Variants in KCNN2 observed in about 807,000 individuals in gnomAD.
KCNN2 encodes the protein small conductance calcium-activated potassium channel protein 2.
A neutral mutation model predicts 55.5 loss-of-function variants in KCNN2; 24 were observed. That is an observed-to-expected ratio of 0.43 (90% CI 0.31 to 0.61). KCNN2 has a LOEUF of 0.61. Ranked by LOEUF, KCNN2 falls within the 20% of genes least tolerant of loss-of-function variation. KCNN2 has a pLI of 0.08. For synonymous variants in KCNN2, 431 were observed against 336.1 expected (o/e 1.28, Z -3.09); for missense variants, 754 against 853.6 (o/e 0.88, Z 1.45).
chr5:114,329,633 C>T (rs1756773610), intron 2 of KCNN2, among the ~76,000 whole-genome samples: 3 of 152,156 alleles, frequency 2.0e-5, no homozygotes, highest in Admixed American at 2.0e-4. Flanking sequence ...CTGGCTTCTC[C>T]ACTCCTCAGC....
At chr5:114,058,029 C>T (rs1750247515) in intron 1 of KCNN2, among the ~76,000 whole-genome samples, 1 of 152,080 alleles carries the variant, frequency 6.6e-6, no homozygotes, top group African/African-American at 2.4e-5. Flanking sequence ...CATGTGTGAA[C>T]CAACAGTTCA....
chr5:114,056,226 C>G (rs1481528798), exon 1 of KCNN2: 3 of 395,834 alleles, frequency 7.6e-6, no homozygotes, highest in Non-Finnish European at 1.3e-5. Flanking sequence ...CCCCGGAGCT[C>G]TCCGGCTGGC....
chr5:114,278,658 C>T (rs1297538402), intron 2 of KCNN2, among the ~76,000 whole-genome samples: 1 of 152,216 alleles, frequency 6.6e-6, no homozygotes, highest in African/African-American at 2.4e-5. Flanking sequence ...GCTCTGTGGG[C>T]ATGGGACCTG....
chr5:114,248,182 G>A (rs961737068), intron 2 of KCNN2, among the ~76,000 whole-genome samples: 2 of 152,170 alleles, frequency 1.3e-5, no homozygotes, highest in African/African-American at 2.4e-5. Flanking sequence ...ACAGGAAAGA[G>A]GGAAGTGTAT....
At chr5:114,441,849 A>G (rs1242892406) in intron 3 of KCNN2, among the ~76,000 whole-genome samples, 1 of 152,158 alleles carries the variant, frequency 6.6e-6, no homozygotes. Flanking sequence ...TTTGCTCCTA[A>G]AGATCTATTA....
intron 1 of KCNN2, among the ~76,000 whole-genome samples, chr5:114,188,672 A>G (rs1289581457): frequency 6.6e-6 from 1 of 152,186 alleles, no homozygotes; most frequent in East Asian, 1.9e-4. Context: ...TTATGCAATA[A>G]CTAATTAAAA....
intron 1 of KCNN2, among the ~76,000 whole-genome samples, chr5:114,208,518 C>T (rs763292463): frequency 2.4e-4 from 37 of 152,178 alleles, no homozygotes; most frequent in Admixed American, 1.8e-3. Context: ...ATCAACCCAT[C>T]TGTCTTTAGA....
intron 2 of KCNN2, among the ~76,000 whole-genome samples, chr5:114,317,557 T>C (rs994884620): frequency 1.3e-5 from 2 of 152,198 alleles, no homozygotes; most frequent in African/African-American, 4.8e-5. Flanking sequence ...CTTTCTGACT[T>C]ACATTTTTTG....
intron 1 of KCNN2, among the ~76,000 whole-genome samples, chr5:114,143,003 T>C (rs777755043): frequency 3.3e-5 from 5 of 152,052 alleles, no homozygotes; most frequent in African/African-American, 7.2e-5. Flanking sequence ...GCTCTTTCCT[T>C]TTTCCCAGGT....
chr5:114,279,952 C>G lies in KCNN2; in HGVS notation c.-185+58387C>G, dbSNP rs1015895569. 1.8e-4 allele frequency among the ~76,000 whole-genome samples: 27 copies of G among 152,300 alleles called. 1 individual carries two copies. Among genetic ancestry groups the G allele is most frequent in the Admixed American group, 5.2e-4 (8 of 15,292 alleles). The stretch of plus-strand genomic sequence containing the variant: ...GTGTTCCTATTTCTCCACATCCTCT[C>G]CAGCACCTGTTGTTTCCTGACTTTT... On this transcript the variant is annotated intron_variant, in intron 2 of 10. Coordinates refer to the KCNN2 transcript ENST00000512097.
intron 2 of KCNN2, among the ~76,000 whole-genome samples, chr5:114,378,230 TTGCCGCTTTTG>T (rs1389510661): frequency 2.0e-5 from 3 of 152,216 alleles, no homozygotes; most frequent in Non-Finnish European, 4.4e-5. Context: ...GTATTGTATA[TTGCCGCTTTTG>T]TGCTACGATG....
intron 2 of KCNN2, among the ~76,000 whole-genome samples, chr5:114,341,174 A>G (rs40177): frequency 0.37 from 56,082 of 152,030 alleles, 11,847 homozygotes; most frequent in East Asian, 0.84. Context: ...AATTAAAAAG[A>G]CTGACTCTAT....
intron 3 of KCNN2, among the ~76,000 whole-genome samples, chr5:114,451,994 CTT>C (rs150623064): frequency 6.6e-6 from 1 of 151,782 alleles, no homozygotes; most frequent in Non-Finnish European, 1.5e-5. Flanking sequence ...TGCTGCTTCT[CTT>C]TGTTTACTTA....
At chr5:114,263,158 G>T (rs1474950075) in intron 2 of KCNN2, among the ~76,000 whole-genome samples, 1 of 151,858 alleles carries the variant, frequency 6.6e-6, no homozygotes, top group Non-Finnish European at 1.5e-5. Flanking sequence ...CATGTTGGCA[G>T]AAAGCTGAAA....
At chr5:114,117,311 G>C (rs1213097325) in intron 1 of KCNN2, among the ~76,000 whole-genome samples, 1 of 152,118 alleles carries the variant, frequency 6.6e-6, no homozygotes, top group East Asian at 1.9e-4. Context: ...CCTGGATCAT[G>C]TTCAGTGTTC....
intron 1 of KCNN2, among the ~76,000 whole-genome samples, chr5:114,151,121 A>G (rs977829551): frequency 6.7e-6 from 1 of 150,260 alleles, no homozygotes; most frequent in African/African-American, 2.4e-5. Flanking sequence ...TTTTTTCTTT[A>G]AAATCAAATA....
intron 1 of KCNN2, among the ~76,000 whole-genome samples, chr5:114,153,736 A>T (rs1752572685): frequency 6.6e-6 from 1 of 152,236 alleles, no homozygotes; most frequent in Non-Finnish European, 1.5e-5. Flanking sequence ...ATCCCTGAAA[A>T]GATGGAAAAA....
intron 2 of KCNN2, among the ~76,000 whole-genome samples, chr5:114,305,678 A>G (rs1256217860): frequency 6.6e-6 from 1 of 152,178 alleles, no homozygotes; most frequent in East Asian, 1.9e-4. Context: ...CCACACATAC[A>G]TACACACACA....
chr5:114,100,642 A>C (rs1442804663), intron 1 of KCNN2, among the ~76,000 whole-genome samples: 1 of 152,108 alleles, frequency 6.6e-6, no homozygotes, highest in Non-Finnish European at 1.5e-5. Flanking sequence ...GCCAAGAGGC[A>C]ATGAGTCCCC....
Sources: gnomAD v4.1 joint callset for allele counts (sites outside exome capture counted in the v4.1 genomes callset) on GRCh38, gnomAD v4.1.1 for gene constraint, MANE v1.5 for transcripts, NCBI Gene and HGNC (gene_info 2026-07-23, HGNC 2026-07-21) for gene names.